OSER1: variants seen among roughly 807,000 people sequenced by gnomAD.
OSER1 encodes oxidative stress responsive serine rich 1.
A neutral mutation model predicts 26.3 loss-of-function variants in OSER1; 15 were observed. The observed-to-expected ratio is 0.57, with a 90% confidence interval of 0.38 to 0.88. The LOEUF (loss-of-function observed/expected upper bound fraction) is 0.88. Ranked by LOEUF, OSER1 falls within the 40% of genes least tolerant of loss-of-function variation. The probability of loss-of-function intolerance (pLI) is 0.00; values close to 1 mark genes in which losing one functional copy is unlikely to be tolerated. For missense variants in OSER1, 313 were observed against 353.9 expected (o/e 0.88, Z 0.93); for synonymous variants, 127 against 128.2 (o/e 0.99, Z 0.07).
intron 1 of OSER1, among the ~76,000 whole-genome samples, chr20:44,209,519 T>C (rs2073075350): frequency 6.6e-6 from 1 of 152,208 alleles, no homozygotes; most frequent in African/African-American, 2.4e-5. Flanking sequence ...ATATTAAATT[T>C]GTGGGAGACA....
intron 1 of OSER1, chr20:44,210,152 G>A (rs1240936278): frequency 1.3e-5 from 2 of 152,622 alleles, no homozygotes; most frequent in Non-Finnish European, 2.9e-5. Context: ...CAGAGGGGTA[G>A]GACGGGGCTT....
intron 3 of OSER1, among the ~76,000 whole-genome samples, chr20:44,202,393 A>G (rs1332235243): frequency 1.3e-5 from 2 of 152,200 alleles, no homozygotes; most frequent in Admixed American, 1.3e-4. Flanking sequence ...GAAAAAAAAA[A>G]GAATAGAAAA....
At chr20:44,211,282 C>T (rs1216184684), upstream of OSER1, 1 of 152,318 alleles carries the variant, frequency 6.6e-6, no homozygotes, top group Non-Finnish European at 1.5e-5. Context: ...TCTGGACTGC[C>T]TGCGACCTCT....
rs1354688271 is a variant in OSER1, at chr20:44,197,181, G to A, written c.750C>T (p.Pro250=). 1.9e-6 allele frequency: 3 copies of A among 1,614,060 alleles called. No homozygotes were observed. The African/African-American group carries it at 4.0e-5, about 22-fold the overall frequency. Reference sequence around the variant, plus strand: ...CTCGAGCTTGCTCAGAACAGGATCGGGGAGAGCCAGACAGAGTTCTGGCGT... The same window carrying A: ...CTCGAGCTTGCTCAGAACAGGATCGAGGAGAGCCAGACAGAGTTCTGGCGT... The part of the protein sequence containing the change: ...SLHARTLSGS[P]RSCSEQARVF... Residue 250 remains proline (P), a synonymous_variant, in exon 4 of 4, where the codon CCC becomes CCT. Coordinates refer to ENST00000255174, the MANE Select transcript of OSER1 (RefSeq NM_016470.8).
chr20:44,198,640 TA>T (rs1226781215), intron 3 of OSER1, among the ~76,000 whole-genome samples: 1 of 131,118 alleles, frequency 7.6e-6, no homozygotes, highest in South Asian at 2.6e-4. Context: ...AATAAATAAA[TA>T]AAATAAAATA....
intron 1 of OSER1, among the ~76,000 whole-genome samples, chr20:44,208,199 G>A (rs1044332218): frequency 1.5e-5 from 2 of 135,870 alleles, no homozygotes; most frequent in African/African-American, 5.6e-5. Flanking sequence ...ATATCTGCTC[G>A]TTTCTCAAGG....
Position 44,197,127 on chromosome 20 carries a change from G to T in OSER1, c.804C>A (p.Asp268Glu). 2 of 1,613,840 alleles carry T rather than the reference G, an allele frequency of 1.2e-6. No homozygotes were observed. Among genetic ancestry groups the T allele is most frequent in the Non-Finnish European group, 1.7e-6 (2 of 1,179,694 alleles). The change falls in exon 4 of 4, where the codon GAC becomes GAA. Residue 268 changes from aspartate (D) to glutamate (E), a missense_variant. By Grantham distance (45) the Asp-to-Glu change is conservative. Transcript: ENST00000255174. ...RVFVDDVTIE[D>E]LSGYMEYYLY... ...AGTAATACTCCATGTAGCCTGACAG[G>T]TCCTCAATGGTCACATCATCCACGA... is the stretch of plus-strand genomic sequence containing the variant.
intron 3 of OSER1, among the ~76,000 whole-genome samples, chr20:44,199,081 G>C (rs556509064): frequency 6.6e-6 from 1 of 152,320 alleles, no homozygotes; most frequent in South Asian, 2.1e-4. Flanking sequence ...TGGCCCCACA[G>C]TATAACAGTA....
chr20:44,207,138 T>C, intron 1 of OSER1, 140 bp from the exon 2 acceptor site: 1 of 513,448 alleles, frequency 1.9e-6, no homozygotes, highest in Admixed American at 3.4e-5. Context: ...CTATAGGTTT[T>C]ATTTCTTAAA....
rs1359835916 is a variant in OSER1, at chr20:44,210,754, A to G, written c.-100T>C. On this transcript the variant is annotated 5_prime_UTR_variant, in exon 1 of 4. Transcript: ENST00000255174. ...GCAGTCAGTTCAGAGCGTCTCTCCC[A>G]AATCTCGGCACCCGACTGACCCGGA... The G allele has an allele frequency of 6.6e-6, 1 of 152,338 alleles. No homozygotes were observed. The highest frequency in any genetic ancestry group is 1.5e-5 in the Non-Finnish European group (1 of 68,150). The allele number at this position is 152,338 out of a possible 1,614,324, so 9.4% of individuals were successfully genotyped here.
At chr20:44,201,497 AAAGT>A (rs2072981818) in intron 3 of OSER1, among the ~76,000 whole-genome samples, 1 of 152,222 alleles carries the variant, frequency 6.6e-6, no homozygotes, top group Non-Finnish European at 1.5e-5. Flanking sequence ...CTTTAGGAAA[AAAGT>A]AAGTGATTGT....
Position 44,206,873 on chromosome 20 carries a change from T to C in OSER1, c.77+8A>G, listed in dbSNP as rs184717997. 1.4e-4 allele frequency: 152 copies of C among 1,067,086 alleles called. No individual in the cohort carries two copies. The African/African-American group carries it at 2.1e-3, about 15-fold the overall frequency. The allele number at this position is 1,067,086 out of a possible 1,614,324, so 66.1% of individuals were successfully genotyped here. A position where few individuals can be genotyped will look rare whatever the true frequency, so the allele number is the denominator to read the frequency against. On this transcript the variant is annotated splice_region_variant and intron_variant, in intron 2 of 3. Coordinates refer to ENST00000255174, the MANE Select transcript of OSER1 (RefSeq NM_016470.8). ...TAATTCCAAATAATATATTACATAT[T>C]TAATTACCCTGATGCATCCACTCTT...
In OSER1 at chr20:44,196,294, CAAAA is replaced by C. The variant is rs56251501; in HGVS notation, c.*754_*757del. Among the ~76,000 whole-genome samples the C allele has an allele frequency of 0.012, 1,253 of 100,454 alleles. 19 individuals carry two copies. The highest frequency in any genetic ancestry group is 0.095 in the East Asian group (269 of 2,834). The allele number at this position is 100,454 out of a possible 152,430, so 65.9% of individuals were successfully genotyped here. ...ATGAGACCTGTATTACAACTGATAACAAAAAAAAAAAAAAAAAACCGCCATATAT... is the reference window on the plus strand; with the variant it reads ...ATGAGACCTGTATTACAACTGATAACAAAAAAAAAAAAAACCGCCATATAT... On this transcript the variant is annotated 3_prime_UTR_variant, in exon 4 of 4. Coordinates refer to ENST00000255174, the MANE Select transcript of OSER1 (RefSeq NM_016470.8).
In OSER1 at chr20:44,209,299, TCCAG is replaced by T. The variant is rs541627465; in HGVS notation, c.-42+1393_-42+1396del. 1.6e-4 allele frequency among the ~76,000 whole-genome samples: 24 copies of T among 152,344 alleles called. No homozygotes were observed. In the East Asian group the frequency reaches 2.9e-3, roughly 18 times the overall value. On this transcript the variant is annotated intron_variant, in intron 1 of 3. Transcript: ENST00000255174. ...GTTCTGTCTAAACCATTTTCAGACT[TCCAG>T]CATTTTTTTACTACTCACTTTTTTT...
At chr20:44,198,645 T>G (rs1025511626) in intron 3 of OSER1, among the ~76,000 whole-genome samples, 7 of 150,228 alleles carry the variant, frequency 4.7e-5, no homozygotes, top group African/African-American at 1.5e-4. Flanking sequence ...ATAAATAAAA[T>G]AAAATAAAAT....
Position 44,195,992 on chromosome 20 carries a change from CATT to C in OSER1, c.*1057_*1059del, listed in dbSNP as rs1448134769. 6.6e-6 allele frequency among the ~76,000 whole-genome samples: 1 copy of C among 152,224 alleles called. No individual in the cohort carries two copies. The highest frequency in any genetic ancestry group is 2.4e-5 in the African/African-American group (1 of 41,460). The stretch of plus-strand genomic sequence containing the variant: ...TAATTTAAACAAAAGCTTCTGTTAA[CATT>C]ATTGCTAACATGGCTAGACACTGTC... On this transcript the variant is annotated 3_prime_UTR_variant, in exon 4 of 4. Coordinates refer to ENST00000255174, the MANE Select transcript of OSER1 (RefSeq NM_016470.8).
chr20:44,201,051 C>T (rs7263518), intron 3 of OSER1, among the ~76,000 whole-genome samples: 45,068 of 152,058 alleles, frequency 0.3, 10,178 homozygotes, highest in African/African-American at 0.63. Context: ...TCTGTATCCA[C>T]GGATTCTACA....
At chr20:44,203,743 T>C (rs2073011049) in intron 2 of OSER1, among the ~76,000 whole-genome samples, 1 of 148,084 alleles carries the variant, frequency 6.8e-6, no homozygotes, top group East Asian at 2.0e-4. Context: ...CCTCCTACTA[T>C]ACATGCTATG....
chr20:44,197,053 C>G lies in OSER1; in HGVS notation c.878G>C (p.Ter293SerextTer1). Residue 293 changes from the stop codon to serine, a stop_lost, in exon 4 of 4, where the codon TGA (stop) becomes TCA (serine). Coordinates refer to ENST00000255174, the MANE Select transcript of OSER1 (RefSeq NM_016470.8). ...AGCATATGAATTAGCTTCTTGCTATCAGGTGTACATCATTTCTGCCATGTG... is the reference window on the plus strand; with the variant it reads ...AGCATATGAATTAGCTTCTTGCTATGAGGTGTACATCATTTCTGCCATGTG... ...MSHMAEMMYT[*>S] The G allele has an allele frequency of 6.3e-7, 1 of 1,596,950 alleles. No homozygotes were observed. Among genetic ancestry groups the G allele is most frequent in the Non-Finnish European group, 8.6e-7 (1 of 1,164,970 alleles).
Sources: allele counts gnomAD v4.1 joint callset (sites outside exome capture counted in the v4.1 genomes callset), GRCh38; gene constraint gnomAD v4.1.1; transcripts MANE v1.5; gene names NCBI Gene and HGNC (gene_info 2026-07-23, HGNC 2026-07-21).